PC: variants seen among roughly 807,000 people sequenced by gnomAD.
PC encodes the protein pyruvate carboxylase, also known as pyruvate carboxylase, mitochondrial.
PC carries 46 observed loss-of-function variants against 107.8 expected under a neutral mutation model. The observed-to-expected ratio is 0.43, with a 90% CI of 0.34 to 0.55. The LOEUF is 0.55. PC is among the 20% of genes least tolerant of loss of function. PC has a pLI of 0.04. For missense variants in PC, 1,241 were observed against 1,643.1 expected (o/e 0.76, Z 4.23); for synonymous variants, 662 against 684.7 (o/e 0.97, Z 0.52).
rs56790474 is a variant in PC, at chr11:66,941,078, T to TAAAA, written c.-1+11348_-1+11351dup. On this transcript the variant is annotated intron_variant, in intron 3 of 22. Transcript: ENST00000393960. ...GCAACAGAGCAAGCAAGACTCCATC[T>TAAAA]AAAAAAAAAAAAAAAAAAAAAAGGT... Among the ~76,000 whole-genome samples the TAAAA allele has an allele frequency of 3.6e-5, 3 of 83,886 alleles. 1 individual carries two copies. The allele number at this position is 83,886 out of a possible 152,430, so 55.0% of individuals were successfully genotyped here.
chr11:66,921,309 C>G (rs1174808427), intron 3 of PC, among the ~76,000 whole-genome samples: 1 of 152,128 alleles, frequency 6.6e-6, no homozygotes, highest in Non-Finnish European at 1.5e-5. Flanking sequence ...CTTAAAGAAC[C>G]AGTATTTCAG....
intron 3 of PC, among the ~76,000 whole-genome samples, chr11:66,899,076 G>A (rs1212131442): frequency 1.3e-5 from 2 of 152,218 alleles, no homozygotes; most frequent in East Asian, 1.9e-4. Flanking sequence ...CTCCATATTG[G>A]TCAGGCTGGT....
At position 66,848,499 on chromosome 11, in the gene PC, G is replaced by T. The variant is rs368034189; in HGVS notation, c.*400C>A. 8.5e-5 allele frequency: 49 copies of T among 576,588 alleles called. 1 individual carries two copies. In the African/African-American group the frequency reaches 8.8e-4, roughly 10 times the overall value. 35.7% of individuals were successfully genotyped at this position (576,588 alleles called of 1,614,324 possible). ...CCCCACTGCTGAGTGGTGCAGGCTG[G>T]GGGCTGCACAGGATCCAGCATGGAG... On this transcript the variant is annotated 3_prime_UTR_variant, in exon 23 of 23. Transcript: ENST00000393960.
At chr11:66,953,990 C>T (rs1305765002) in intron 2 of PC, among the ~76,000 whole-genome samples, 3 of 152,026 alleles carry the variant, frequency 2.0e-5, no homozygotes, top group African/African-American at 7.3e-5. Context: ...CAGTAGTTGA[C>T]TTTTATTATT....
At chr11:66,941,893 A>G (rs1485343035) in intron 3 of PC, among the ~76,000 whole-genome samples, 1 of 151,690 alleles carries the variant, frequency 6.6e-6, no homozygotes, top group African/African-American at 2.4e-5. Context: ...ACCTGAACTC[A>G]GGAGTTTGAG....
chr11:66,933,029 C>T (rs962377007), intron 3 of PC, among the ~76,000 whole-genome samples: 1 of 152,164 alleles, frequency 6.6e-6, no homozygotes, highest in Non-Finnish European at 1.5e-5. Context: ...AAAACCTCAA[C>T]CTCTTAACTC....
Position 66,848,777 on chromosome 11 carries a change from G to T in PC, c.*122C>A. 1 of 1,228,966 alleles carries T rather than the reference G, an allele frequency of 8.1e-7. No individual in the cohort carries two copies. The highest frequency in any genetic ancestry group is 1.2e-6 in the Non-Finnish European group (1 of 846,580). The allele number at this position is 1,228,966 out of a possible 1,614,324, so 76.1% of individuals were successfully genotyped here. ...CAGGCGGTGTCTCTCCTGTCCAGCT[G>T]TGGACAGGACCTCCACGGCCCGGCC... On this transcript the variant is annotated 3_prime_UTR_variant, in exon 23 of 23. Coordinates refer to ENST00000393960, the MANE Select transcript of PC (RefSeq NM_001040716.2).
intron 3 of PC, among the ~76,000 whole-genome samples, chr11:66,884,553 T>C (rs78195441): frequency 0.027 from 4,186 of 152,226 alleles, 88 homozygotes; most frequent in African/African-American, 0.046. Context: ...CCATACATAT[T>C]GATTAGAGCC....
At chr11:66,936,269 G>C (rs1360096411) in intron 3 of PC, among the ~76,000 whole-genome samples, 4 of 151,304 alleles carry the variant, frequency 2.6e-5, no homozygotes, top group Admixed American at 6.6e-5. Context: ...AAAAAAGGTG[G>C]GGGGGGAGAG....
intron 3 of PC, among the ~76,000 whole-genome samples, chr11:66,880,756 G>A (rs762901282): frequency 1.3e-5 from 2 of 152,262 alleles, no homozygotes; most frequent in Non-Finnish European, 2.9e-5. Flanking sequence ...CAATGGCTGG[G>A]GCCAGGCTCC....
chr11:66,904,807 C>T (rs569610790), intron 3 of PC, among the ~76,000 whole-genome samples: 2 of 152,350 alleles, frequency 1.3e-5, no homozygotes, highest in South Asian at 2.1e-4. Flanking sequence ...TTAAGAGGAA[C>T]GGCATTAAGA....
At chr11:66,861,932 G>A (rs564860751) in intron 12 of PC, among the ~76,000 whole-genome samples, 5 of 152,150 alleles carry the variant, frequency 3.3e-5, no homozygotes, top group Admixed American at 6.5e-5. Context: ...CCTAGCAGGC[G>A]CAAGGTTCTA....
chr11:66,884,609 C>T (rs532366685), intron 3 of PC, among the ~76,000 whole-genome samples: 28 of 152,272 alleles, frequency 1.8e-4, no homozygotes, highest in Non-Finnish European at 3.8e-4. Flanking sequence ...AGGACAAGGT[C>T]AGCAAAAAGC....
chr11:66,875,885 C>T (rs747066145), intron 3 of PC, among the ~76,000 whole-genome samples: 2 of 152,176 alleles, frequency 1.3e-5, no homozygotes, highest in Non-Finnish European at 2.9e-5. Context: ...ATATCACTAG[C>T]ACCGAAGGGA....
chr11:66,889,008 A>C (rs1387575045), intron 3 of PC, among the ~76,000 whole-genome samples: 2 of 152,162 alleles, frequency 1.3e-5, no homozygotes, highest in Non-Finnish European at 2.9e-5. Context: ...CAGGAGGCGG[A>C]GGTTGCTGTG....
At chr11:66,916,780 C>A (rs1161017591) in intron 3 of PC, among the ~76,000 whole-genome samples, 1 of 151,778 alleles carries the variant, frequency 6.6e-6, no homozygotes, top group Non-Finnish European at 1.5e-5. Context: ...CGGTGAAACC[C>A]CGTCTCTACT....
rs578213790 is a variant in PC, at chr11:66,887,097, G to A, written c.1-14938C>T. Among the ~76,000 whole-genome samples the A allele has an allele frequency of 7.2e-5, 11 of 152,300 alleles. No individual in the cohort carries two copies. The South Asian group carries it at 2.1e-3, about 29-fold the overall frequency. ...AGAGTGCTTACTGGGCTCTTTTCCA[G>A]GCAGCGAACTGGAAGCTTCCGTTCC... On this transcript the variant is annotated intron_variant, in intron 3 of 22. Transcript: ENST00000393960.
chr11:66,900,921 C>G (rs1013711477), intron 3 of PC, among the ~76,000 whole-genome samples: 5 of 152,192 alleles, frequency 3.3e-5, no homozygotes, highest in African/African-American at 9.7e-5. Context: ...ATCATGTCAA[C>G]TGAAAATAAA....
rs1233418840 is a variant in PC at position 66,852,574 on chromosome 11, G to A, written c.1690C>T (p.Leu564=). 9 of 1,614,004 alleles carry A rather than the reference G, an allele frequency of 5.6e-6. No homozygotes were observed. The East Asian group carries it at 1.8e-4, about 32-fold the overall frequency. ...ARAVRNHPGL[L]LMDTTFRDAH... The stretch of plus-strand genomic sequence containing the variant: ...TCCCTGAAGGTCGTGTCCATCAGCA[G>A]CAGCCCCGGGTGGTTCCGCACAGCT... The change falls in exon 15 of 23, where the codon CTG becomes TTG. Residue 564 remains leucine (L), a synonymous_variant. Transcript: ENST00000393960. This position sits in a 1 kb window ranked among gnomAD's most constrained non-coding sequence, Gnocchi z 4.7.
Sources: allele counts gnomAD v4.1 joint callset (sites outside exome capture counted in the v4.1 genomes callset), GRCh38; gene constraint gnomAD v4.1.1; non-coding constraint Gnocchi (gnomAD v3.1); transcripts MANE v1.5; gene names NCBI Gene and HGNC (gene_info 2026-07-23, HGNC 2026-07-21).